The following CTNNA3 variants were observed in gnomAD, a reference collection of about 807,000 sequenced individuals.
CTNNA3 encodes the protein catenin alpha 3, also known as catenin alpha-3.
Under a neutral mutation model 95.7 loss-of-function variants are expected in CTNNA3, and 76 were observed. The observed-to-expected ratio is 0.79, with a 90% confidence interval of 0.66 to 0.96. The LOEUF (loss-of-function observed/expected upper bound fraction) is 0.96. CTNNA3 is among the 40% of genes least tolerant of loss of function. The pLI, the probability that CTNNA3 is intolerant of heterozygous loss-of-function variation, is 0.00. For missense variants in CTNNA3, 1,191 were observed against 1,089.8 expected, an observed-to-expected ratio of 1.09 and a Z score of -1.31; for synonymous variants, 431 against 374.4, an observed-to-expected ratio of 1.15 and a Z score of -1.74.
intron 5 of CTNNA3, among the ~76,000 whole-genome samples, chr10:67,269,034 T>C (rs1179173376): frequency 6.6e-6 from 1 of 152,160 alleles, no homozygotes; most frequent in Non-Finnish European, 1.5e-5. Context: ...AATAGTATCA[T>C]AAAGCATGAG....
chr10:65,945,951 G>A (rs1195322498), intron 17 of CTNNA3, among the ~76,000 whole-genome samples: 1 of 152,080 alleles, frequency 6.6e-6, no homozygotes, highest in Non-Finnish European at 1.5e-5. Context: ...GGGAAAGATA[G>A]GAACCCTGGA....
intron 17 of CTNNA3, among the ~76,000 whole-genome samples, chr10:65,926,555 C>T (rs1444645722): frequency 6.6e-6 from 1 of 151,036 alleles, no homozygotes. Context: ...TGGCTCACTG[C>T]AACCTCTGCC....
intron 9 of CTNNA3, among the ~76,000 whole-genome samples, chr10:66,655,568 GAA>G (rs1351154859): frequency 1.3e-5 from 2 of 152,024 alleles, no homozygotes; most frequent in African/African-American, 4.8e-5. Context: ...CAGAAAGGAA[GAA>G]AACATGGAAT....
At chr10:66,664,800 T>C (rs1308494766) in intron 9 of CTNNA3, among the ~76,000 whole-genome samples, 3 of 151,920 alleles carry the variant, frequency 2.0e-5, no homozygotes, top group Non-Finnish European at 4.4e-5. Flanking sequence ...TTCAGGATCC[T>C]TTGATAATAT....
chr10:67,593,976 G>T (rs1006378864), intron 3 of CTNNA3, among the ~76,000 whole-genome samples: 3 of 152,126 alleles, frequency 2.0e-5, no homozygotes, highest in Non-Finnish European at 4.4e-5. Flanking sequence ...AAAGGATGTT[G>T]AATTTTATTG....
At chr10:67,025,981 C>A (rs2133091255) in intron 7 of CTNNA3, among the ~76,000 whole-genome samples, 1 of 151,024 alleles carries the variant, frequency 6.6e-6, no homozygotes, top group African/African-American at 2.5e-5. Flanking sequence ...AATTGGAAAT[C>A]ATCATTCTCA....
At chr10:66,770,315 G>A (rs4515864) in intron 8 of CTNNA3, among the ~76,000 whole-genome samples, 129,212 of 152,016 alleles carry the variant, frequency 0.85, 55,202 homozygotes, top group East Asian at 1. Flanking sequence ...ATTTATTTCC[G>A]CATTATTTTC....
At chr10:67,136,440 C>G (rs959781659) in intron 7 of CTNNA3, among the ~76,000 whole-genome samples, 4 of 151,972 alleles carry the variant, frequency 2.6e-5, no homozygotes, top group Non-Finnish European at 5.9e-5. Context: ...AAGTTAATTT[C>G]TCCTTAGAAA....
intron 1 of CTNNA3, among the ~76,000 whole-genome samples, chr10:67,671,918 C>G (rs924033636): frequency 6.6e-6 from 1 of 151,912 alleles, no homozygotes; most frequent in Non-Finnish European, 1.5e-5. Flanking sequence ...AGTTCTAGAC[C>G]CCTGAGGAAT....
chr10:67,355,059 A>G (rs1297034387), intron 5 of CTNNA3, among the ~76,000 whole-genome samples: 6 of 152,042 alleles, frequency 3.9e-5, no homozygotes, highest in Non-Finnish European at 7.4e-5. Flanking sequence ...TAAGATTAAC[A>G]TTGATTTATT....
intron 5 of CTNNA3, among the ~76,000 whole-genome samples, chr10:67,458,723 A>G (rs549262161): frequency 5.2e-4 from 79 of 152,246 alleles, no homozygotes; most frequent in African/African-American, 1.9e-3. Context: ...TACTAAAAAT[A>G]CAAAAAGAGG....
At chr10:67,400,341 A>T (rs903268421) in intron 5 of CTNNA3, among the ~76,000 whole-genome samples, 12 of 152,220 alleles carry the variant, frequency 7.9e-5, no homozygotes, top group South Asian at 2.1e-4. Context: ...TTTTGAATAG[A>T]TTTACTTTTA....
At chr10:66,434,944 C>T (rs893622360) in intron 11 of CTNNA3, among the ~76,000 whole-genome samples, 7 of 151,164 alleles carry the variant, frequency 4.6e-5, no homozygotes, top group African/African-American at 1.5e-4. Flanking sequence ...GTGATGGATT[C>T]CATTTATTGA....
At chr10:66,189,922 C>G (rs2086580239) in intron 13 of CTNNA3, among the ~76,000 whole-genome samples, 1 of 151,470 alleles carries the variant, frequency 6.6e-6, no homozygotes, top group African/African-American at 2.4e-5. Flanking sequence ...TTTTTATGGC[C>G]TATTTTTTTC....
At chr10:67,454,384 T>A (rs4745936) in intron 5 of CTNNA3, among the ~76,000 whole-genome samples, 46,323 of 152,038 alleles carry the variant, frequency 0.3, 11,682 homozygotes, top group African/African-American at 0.69. Context: ...AACAAGTTAT[T>A]CAGGGAAAAT....
chr10:67,647,865 T>G (rs1839765753), intron 1 of CTNNA3, among the ~76,000 whole-genome samples: 1 of 151,142 alleles, frequency 6.6e-6, no homozygotes, highest in Non-Finnish European at 1.5e-5. Flanking sequence ...TCCTTTGGCT[T>G]CTGTGAAATC....
chr10:66,271,724 C>G (rs1224364699), intron 13 of CTNNA3, among the ~76,000 whole-genome samples: 1 of 152,056 alleles, frequency 6.6e-6, no homozygotes, highest in East Asian at 1.9e-4. Context: ...TCTCTGAGTG[C>G]AGGACTAGAC....
At chr10:67,390,210 T>G (rs1311963309) in intron 5 of CTNNA3, among the ~76,000 whole-genome samples, 1 of 152,148 alleles carries the variant, frequency 6.6e-6, no homozygotes, top group Non-Finnish European at 1.5e-5. Flanking sequence ...CAATAAAAAA[T>G]GATAAGGGGG....
intron 7 of CTNNA3, among the ~76,000 whole-genome samples, chr10:67,045,656 C>T (rs1279016919): frequency 1.3e-5 from 2 of 152,212 alleles, no homozygotes; most frequent in African/African-American, 2.4e-5. Context: ...GCACTCCGCA[C>T]TGGACCCTAG....
Sources: allele counts gnomAD v4.1 joint callset (sites outside exome capture counted in the v4.1 genomes callset), GRCh38; gene constraint gnomAD v4.1.1; transcripts MANE v1.5; gene names NCBI Gene and HGNC (gene_info 2026-07-23, HGNC 2026-07-21).